The following CLHC1 variants were observed in gnomAD, a reference collection of about 807,000 sequenced individuals.
The protein encoded by CLHC1 is clathrin heavy chain linker domain containing 1, also known as clathrin heavy chain linker domain-containing protein 1.
A neutral mutation model predicts 69.5 loss-of-function variants in CLHC1; 72 were observed. The ratio of observed to expected loss-of-function variants is 1.04; its 90% CI spans 0.86 to 1.26. The LOEUF is 1.26. CLHC1 is among the 50% of genes most tolerant of loss of function. The probability of loss-of-function intolerance (pLI) is 0.00; values close to 1 mark genes in which losing one functional copy is unlikely to be tolerated. For missense variants in CLHC1, 790 were observed against 679.3 expected (o/e 1.16, Z -1.81); for synonymous variants, 223 against 224.3 (o/e 0.99, Z 0.05).
chr2:55,191,293 G>C (rs947701554), intron 9 of CLHC1, among the ~76,000 whole-genome samples: 3 of 152,176 alleles, frequency 2.0e-5, no homozygotes, highest in Non-Finnish European at 4.4e-5. Context: ...TCAGGCTGGA[G>C]AGCAGTGATC....
chr2:55,216,716 A>T (rs1227146620), intron 4 of CLHC1, among the ~76,000 whole-genome samples: 1 of 151,850 alleles, frequency 6.6e-6, no homozygotes, highest in African/African-American at 2.4e-5. Context: ...AACGACAGGG[A>T]CTCACTATAT....
Position 55,174,547 on chromosome 2 carries a change from A to G in CLHC1, c.*1243T>C, listed in dbSNP as rs986651800. ...CTCTATCATGTTATACACTTACACTACACATACATTATCACTAATCCTCAC... is the reference window on the plus strand; with the variant it reads ...CTCTATCATGTTATACACTTACACTGCACATACATTATCACTAATCCTCAC... On this transcript the variant is annotated 3_prime_UTR_variant, in exon 13 of 13. Transcript: ENST00000401408. Among the ~76,000 whole-genome samples the G allele has an allele frequency of 1.3e-5, 2 of 152,184 alleles. No individual in the cohort carries two copies. Among genetic ancestry groups the G allele is most frequent in the Non-Finnish European group, 2.9e-5 (2 of 68,034 alleles).
At chr2:55,182,564 C>T (rs1670031147) in intron 9 of CLHC1, among the ~76,000 whole-genome samples, 1 of 152,104 alleles carries the variant, frequency 6.6e-6, no homozygotes, top group South Asian at 2.1e-4. Flanking sequence ...CTAGATTTTT[C>T]TTTAATTCTC....
rs112946199 is a variant in CLHC1, at chr2:55,222,483, C to G, written c.-72G>C. The G allele has an allele frequency of 1.1e-4, 120 of 1,134,610 alleles. No homozygotes were observed. In the African/African-American group the frequency reaches 1.6e-3, roughly 15 times the overall value. The allele number at this position is 1,134,610 out of a possible 1,614,324, so 70.3% of individuals were successfully genotyped here. On this transcript the variant is annotated 5_prime_UTR_variant, in exon 3 of 13. Transcript: ENST00000401408. The stretch of plus-strand genomic sequence containing the variant: ...ACCTGCTCTTGCAACAAAGCCAAAA[C>G]TTTGATAAGCCTGAAAGAAAAAAAG...
chr2:55,180,485 ACAAATGG>A lies in CLHC1; in HGVS notation c.1384+18_1384+24del. ...ATTAAAGCCCAGAATTCAAATGTAT[ACAAATGG>A]CAGACTTTTTAACTTACCGGTAGTA... On this transcript the variant is annotated intron_variant, in intron 11 of 12. Coordinates refer to ENST00000401408, the MANE Select transcript of CLHC1 (RefSeq NM_152385.4). 1 of 1,568,298 alleles carries A rather than the reference ACAAATGG, an allele frequency of 6.4e-7. No homozygotes were observed. The highest frequency in any genetic ancestry group is 8.8e-7 in the Non-Finnish European group (1 of 1,139,220).
chr2:55,222,544 C>A, intron 2 of CLHC1, 51 bp from the exon 3 acceptor site: 1 of 617,360 alleles, frequency 1.6e-6, no homozygotes, highest in Non-Finnish European at 2.7e-6. Context: ...TAACTTAAGT[C>A]AAATATTGAT....
At chr2:55,200,872 G>A (rs1671883434) in intron 9 of CLHC1, among the ~76,000 whole-genome samples, 1 of 152,098 alleles carries the variant, frequency 6.6e-6, no homozygotes, top group Non-Finnish European at 1.5e-5. Context: ...TCAATAAGAA[G>A]AGGAATTTTG....
intron 8 of CLHC1, among the ~76,000 whole-genome samples, chr2:55,207,967 T>C (rs565384452): frequency 1.3e-5 from 2 of 152,324 alleles, no homozygotes; most frequent in Admixed American, 6.5e-5. Context: ...GTCTTAAATC[T>C]CTTTAATCTT....
Position 55,217,169 on chromosome 2 carries a change from T to C in CLHC1, c.365+642A>G, listed in dbSNP as rs1167727599. On this transcript the variant is annotated intron_variant, in intron 4 of 12. Coordinates refer to ENST00000401408, the MANE Select transcript of CLHC1 (RefSeq NM_152385.4). ...AAGATCAAGCTACTGTACTCCAGCC[T>C]GGGCAACAGAGCAAGCCCTGCTTCA... 2.0e-5 allele frequency among the ~76,000 whole-genome samples: 3 copies of C among 151,916 alleles called. No individual in the cohort carries two copies. The East Asian group carries it at 5.8e-4, about 29-fold the overall frequency.
rs769693020 is a variant in CLHC1, at chr2:55,222,321, T to C, written c.91A>G (p.Ile31Val). 6.2e-7 allele frequency: 1 copy of C among 1,613,568 alleles called. No individual in the cohort carries two copies. Among genetic ancestry groups the C allele is most frequent in the Non-Finnish European group, 8.5e-7 (1 of 1,179,558 alleles). The change falls in exon 3 of 13, where the codon ATA becomes GTA. Residue 31 changes from isoleucine to valine, a missense_variant. Physicochemically the swap from Ile to Val is conservative, Grantham distance 29. Coordinates refer to ENST00000401408, the MANE Select transcript of CLHC1 (RefSeq NM_152385.4). ...KEFLESVQRY[I>V]ITETERLGCS... ...CCCAGTCTTTCAGTTTCTGTAATTA[T>C]GTATCTTTGCACACTTTCCAAAAAT...
chr2:55,217,552 A>AATAAAT (rs1673679194), intron 4 of CLHC1, among the ~76,000 whole-genome samples: 1 of 43,156 alleles, frequency 2.3e-5, no homozygotes, highest in Non-Finnish European at 3.6e-5. Context: ...AAAAAAAAAA[A>AATAAAT]ATATATATAT....
intron 9 of CLHC1, among the ~76,000 whole-genome samples, chr2:55,197,275 A>G (rs1671515128): frequency 6.6e-6 from 1 of 152,088 alleles, no homozygotes; most frequent in African/African-American, 2.4e-5. Context: ...GGAACTCACT[A>G]CCATGAAGGA....
At chr2:55,203,013 G>A (rs1435788344) in intron 9 of CLHC1, among the ~76,000 whole-genome samples, 2 of 150,812 alleles carry the variant, frequency 1.3e-5, no homozygotes, top group South Asian at 2.1e-4. Context: ...ATCTGAAAAA[G>A]AAATTTAAAA....
In CLHC1 at chr2:55,179,090, TAAA is replaced by T. The variant is rs1201118515; in HGVS notation, c.1385-1312_1385-1310del. ...ACTACAGACCCATCCCTAAAATTTT[TAAA>T]TTCTAAGAGTAATTAAAATCTATAT... On this transcript the variant is annotated intron_variant, in intron 11 of 12. Coordinates refer to ENST00000401408, the MANE Select transcript of CLHC1 (RefSeq NM_152385.4). 2.2e-4 allele frequency among the ~76,000 whole-genome samples: 33 copies of T among 152,192 alleles called. No individual in the cohort carries two copies. In the South Asian group the frequency reaches 6.8e-3, roughly 32 times the overall value.
At chr2:55,215,091 T>C (rs1294742008) in intron 4 of CLHC1, 1 of 152,184 alleles carries the variant, frequency 6.6e-6, no homozygotes, top group Admixed American at 6.6e-5. Flanking sequence ...TGGTAAATGA[T>C]AGATAAATTA....
intron 9 of CLHC1, among the ~76,000 whole-genome samples, chr2:55,204,166 CCCAGCTA>C (rs1017171280): frequency 9.2e-5 from 14 of 152,126 alleles, no homozygotes; most frequent in Admixed American, 9.2e-4. Flanking sequence ...TGCTTGTAAT[CCCAGCTA>C]CTAGGGAGTT....
At chr2:55,197,660 A>C (rs934091523) in intron 9 of CLHC1, among the ~76,000 whole-genome samples, 1 of 152,210 alleles carries the variant, frequency 6.6e-6, no homozygotes, top group African/African-American at 2.4e-5. Context: ...ATATGGTTGC[A>C]GTAACCAAAA....
intron 11 of CLHC1, 45 bp from the exon 12 acceptor site, chr2:55,177,826 T>C: frequency 1.4e-6 from 2 of 1,391,488 alleles, no homozygotes; most frequent in Non-Finnish European, 2.0e-6. Flanking sequence ...CCTAATATCA[T>C]AAATCAACTA....
chr2:55,193,907 C>T (rs1033460275), intron 9 of CLHC1, among the ~76,000 whole-genome samples: 4 of 152,088 alleles, frequency 2.6e-5, no homozygotes, highest in Non-Finnish European at 5.9e-5. Flanking sequence ...AGACAAAATG[C>T]AGTACATTCA....
Sources: gnomAD v4.1 joint callset for allele counts (sites outside exome capture counted in the v4.1 genomes callset) on GRCh38, gnomAD v4.1.1 for gene constraint, MANE v1.5 for transcripts, NCBI Gene and HGNC (gene_info 2026-07-23, HGNC 2026-07-21) for gene names.